TBC1D5: variants seen among roughly 807,000 people sequenced by gnomAD.
TBC1D5 encodes TBC1 domain family member 5.
TBC1D5 carries 75 observed loss-of-function variants against 100.3 expected under a neutral mutation model. The observed-to-expected ratio is 0.75, with a 90% CI of 0.62 to 0.91. TBC1D5 has a LOEUF of 0.91. Ranked by LOEUF, TBC1D5 falls within the 40% of genes least tolerant of loss-of-function variation. TBC1D5 has a pLI of 0.00. For synonymous variants in TBC1D5, 323 were observed against 325.6 expected (o/e 0.99, Z 0.09); for missense variants, 910 against 942.4 (o/e 0.97, Z 0.45).
intron 8 of TBC1D5, among the ~76,000 whole-genome samples, chr3:17,391,590 G>C (rs73156367): frequency 0.09 from 13,683 of 152,058 alleles, 1,418 homozygotes; most frequent in African/African-American, 0.25. Flanking sequence ...AAAATATGTG[G>C]TAGAAGTGCC....
At chr3:17,398,084 T>TCCACC (rs918997097) in intron 8 of TBC1D5, among the ~76,000 whole-genome samples, 2 of 152,150 alleles carry the variant, frequency 1.3e-5, no homozygotes, top group Admixed American at 1.3e-4. Context: ...ACTCACTATT[T>TCCACC]CCACCATTTT....
intron 3 of TBC1D5, among the ~76,000 whole-genome samples, chr3:17,450,491 A>C (rs886496557): frequency 6.6e-6 from 1 of 152,180 alleles, no homozygotes; most frequent in African/African-American, 2.4e-5. Flanking sequence ...CCTTGATAAA[A>C]GGTCACAGGA....
chr3:17,254,761 G>C (rs1019504698), intron 16 of TBC1D5, among the ~76,000 whole-genome samples: 5 of 70,560 alleles, frequency 7.1e-5, no homozygotes, highest in African/African-American at 3.6e-4. Flanking sequence ...TTACCGTGGC[G>C]GGGGTGGGGG....
At chr3:17,398,593 A>T (rs915159936) in intron 8 of TBC1D5, among the ~76,000 whole-genome samples, 2 of 152,168 alleles carry the variant, frequency 1.3e-5, no homozygotes, top group Non-Finnish European at 2.9e-5. Flanking sequence ...TTTATTAAGC[A>T]TCAACTTGGT....
intron 16 of TBC1D5, among the ~76,000 whole-genome samples, chr3:17,254,766 T>TTGG (rs746122732): frequency 6.8e-5 from 5 of 73,172 alleles, no homozygotes; most frequent in African/African-American, 2.2e-4. Flanking sequence ...GTGGCGGGGG[T>TTGG]GGGGGGGGGG....
At chr3:17,169,439 C>T (rs2066954743) in intron 19 of TBC1D5, among the ~76,000 whole-genome samples, 1 of 152,172 alleles carries the variant, frequency 6.6e-6, no homozygotes, top group Non-Finnish European at 1.5e-5. Flanking sequence ...ATGTTTCCAG[C>T]CTGACAATTT....
chr3:17,202,501 G>A (rs1307269191), intron 18 of TBC1D5, among the ~76,000 whole-genome samples: 1 of 152,224 alleles, frequency 6.6e-6, no homozygotes, highest in South Asian at 2.1e-4. Context: ...GTAAAGAGGG[G>A]TGAATGTTAA....
At chr3:17,454,682 G>A (rs1291106022) in intron 3 of TBC1D5, among the ~76,000 whole-genome samples, 3 of 151,962 alleles carry the variant, frequency 2.0e-5, no homozygotes, top group African/African-American at 7.3e-5. Flanking sequence ...GGATGGTCTT[G>A]ATCTCCTGAC....
chr3:17,235,137 A>G (rs898842727), intron 17 of TBC1D5, among the ~76,000 whole-genome samples: 1 of 152,166 alleles, frequency 6.6e-6, no homozygotes, highest in African/African-American at 2.4e-5. Context: ...TCATTTTAAC[A>G]TTAAATATCA....
Position 17,410,485 on chromosome 3 carries a change from C to G in TBC1D5, c.168-3959G>C, listed in dbSNP as rs2093895130. 2.6e-5 allele frequency among the ~76,000 whole-genome samples: 4 copies of G among 152,196 alleles called. No individual in the cohort carries two copies. In the South Asian group the frequency reaches 8.3e-4, roughly 32 times the overall value. ...TTATTTAAGAAATACATTTCATAGG[C>G]TACAGCTGCCATATGATAGTGATTT... On this transcript the variant is annotated intron_variant, in intron 4 of 21. Transcript: ENST00000253692.
intron 2 of TBC1D5, among the ~76,000 whole-genome samples, chr3:17,612,723 A>C (rs192650104): frequency 1.3e-5 from 2 of 152,222 alleles, no homozygotes; most frequent in African/African-American, 4.8e-5. Flanking sequence ...TTTTCAGATG[A>C]CCTGAGGGAA....
chr3:17,428,925 T>C (rs2094396127), intron 3 of TBC1D5, among the ~76,000 whole-genome samples: 1 of 151,946 alleles, frequency 6.6e-6, no homozygotes, highest in African/African-American at 2.4e-5. Flanking sequence ...TGGATGATTT[T>C]CCAGGTCCTA....
chr3:17,559,151 CTT>C (rs71950189), intron 2 of TBC1D5, among the ~76,000 whole-genome samples: 1 of 148,632 alleles, frequency 6.7e-6, no homozygotes, highest in Admixed American at 6.7e-5. Context: ...AAATGTAAAA[CTT>C]TTTTTTTTAA....
chr3:17,257,095 CT>C (rs1448613438), intron 16 of TBC1D5, among the ~76,000 whole-genome samples: 12 of 148,540 alleles, frequency 8.1e-5, no homozygotes, highest in South Asian at 2.2e-4. Flanking sequence ...AATAGGAAGC[CT>C]TTGGAGATGT....
At chr3:17,622,604 G>A (rs1277665312) in intron 2 of TBC1D5, 1 of 150,810 alleles carries the variant, frequency 6.6e-6, no homozygotes, top group African/African-American at 2.4e-5. Flanking sequence ...GGATGCTATA[G>A]TCTAGTAAAT....
chr3:17,191,313 T>A (rs1011227254), intron 18 of TBC1D5, among the ~76,000 whole-genome samples: 5 of 152,216 alleles, frequency 3.3e-5, no homozygotes, highest in African/African-American at 1.2e-4. Flanking sequence ...CATGTGCTTG[T>A]TGGAGGACTG....
At chr3:17,176,543 C>T (rs1159635632) in intron 19 of TBC1D5, among the ~76,000 whole-genome samples, 2 of 152,036 alleles carry the variant, frequency 1.3e-5, no homozygotes, top group Non-Finnish European at 2.9e-5. Context: ...AGCAAACTAA[C>T]ACAGGAACAG....
At chr3:17,568,840 T>G (rs757970458) in intron 2 of TBC1D5, among the ~76,000 whole-genome samples, 2 of 151,766 alleles carry the variant, frequency 1.3e-5, no homozygotes, top group Admixed American at 1.3e-4. Context: ...TTTAAATGTT[T>G]ACTCATGTAG....
intron 2 of TBC1D5, among the ~76,000 whole-genome samples, chr3:17,559,997 G>C (rs2096548259): frequency 6.6e-6 from 1 of 152,058 alleles, no homozygotes; most frequent in Non-Finnish European, 1.5e-5. Context: ...CATATGATGT[G>C]ATGAGTTAAT....
Sources: allele counts gnomAD v4.1 joint callset (sites outside exome capture counted in the v4.1 genomes callset), GRCh38; gene constraint gnomAD v4.1.1; transcripts MANE v1.5; gene names NCBI Gene and HGNC (gene_info 2026-07-23, HGNC 2026-07-21).